The following HHAT variants were observed in gnomAD, a reference collection of about 807,000 sequenced individuals.
HHAT encodes the protein hedgehog acyltransferase.
A neutral mutation model predicts 70.8 loss-of-function variants in HHAT; 47 were observed. The observed-to-expected ratio is 0.66, with a 90% CI of 0.53 to 0.85. The LOEUF (loss-of-function observed/expected upper bound fraction) is 0.85. HHAT is among the 40% of genes least tolerant of loss of function. The pLI, the probability that HHAT is intolerant of heterozygous loss-of-function variation, is 0.00. For synonymous variants in HHAT, 228 were observed against 247.6 expected (o/e 0.92, Z 0.74); for missense variants, 609 against 604.8 (o/e 1.01, Z -0.07).
chr1:210,406,558 A>G (rs1294196634), intron 6 of HHAT, among the ~76,000 whole-genome samples: 2 of 151,878 alleles, frequency 1.3e-5, no homozygotes, highest in African/African-American at 4.8e-5. Context: ...AAGTCCAGCT[A>G]ATTTTTTGTA....
At chr1:210,602,643 G>T (rs1664539324) in intron 10 of HHAT, among the ~76,000 whole-genome samples, 1 of 152,180 alleles carries the variant, frequency 6.6e-6, no homozygotes, top group Admixed American at 6.5e-5. Flanking sequence ...CCAAACAGGA[G>T]AGCGTTAAAT....
intron 9 of HHAT, among the ~76,000 whole-genome samples, chr1:210,534,722 T>C (rs564468429): frequency 6.6e-6 from 1 of 152,212 alleles, no homozygotes; most frequent in Non-Finnish European, 1.5e-5. Flanking sequence ...GCCTGACACA[T>C]GAGACCACAT....
At chr1:210,388,304 G>A (rs947892670) in intron 4 of HHAT, among the ~76,000 whole-genome samples, 6 of 152,140 alleles carry the variant, frequency 3.9e-5, no homozygotes, top group Admixed American at 1.3e-4. Flanking sequence ...GTCAACCTAG[G>A]AAAAATGTTT....
At chr1:210,466,241 T>C (rs1023803673) in intron 8 of HHAT, among the ~76,000 whole-genome samples, 7 of 152,202 alleles carry the variant, frequency 4.6e-5, no homozygotes, top group Admixed American at 2.6e-4. Context: ...CTTCAAAAGG[T>C]GGGGTTTCTT....
chr1:210,671,906 G>A (rs1680170791), intron 11 of HHAT, among the ~76,000 whole-genome samples: 1 of 152,214 alleles, frequency 6.6e-6, no homozygotes, highest in East Asian at 1.9e-4. Context: ...GGGCCTGGGA[G>A]AACACTGTGG....
intron 4 of HHAT, among the ~76,000 whole-genome samples, chr1:210,397,944 G>A (rs1439701278): frequency 6.6e-6 from 1 of 152,186 alleles, no homozygotes; most frequent in Non-Finnish European, 1.5e-5. Context: ...GATGCCAGTT[G>A]GATTGCAAGA....
At chr1:210,634,214 G>A (rs1409537715) in intron 11 of HHAT, among the ~76,000 whole-genome samples, 15 of 152,190 alleles carry the variant, frequency 9.9e-5, no homozygotes, top group Non-Finnish European at 2.2e-4. Flanking sequence ...GCTAAGCCAC[G>A]GGATAGAACA....
intron 9 of HHAT, among the ~76,000 whole-genome samples, chr1:210,524,011 T>A (rs2095204820): frequency 6.6e-6 from 1 of 152,168 alleles, no homozygotes; most frequent in Admixed American, 6.5e-5. Flanking sequence ...GAACGAGAAC[T>A]GCATGAATCC....
At chr1:210,487,851 T>G (rs1049826608) in intron 8 of HHAT, among the ~76,000 whole-genome samples, 2 of 152,208 alleles carry the variant, frequency 1.3e-5, no homozygotes, top group South Asian at 2.1e-4. Flanking sequence ...AGACAGCTTT[T>G]ATCACCTAAG....
At chr1:210,517,275 T>C (rs984967611) in intron 9 of HHAT, among the ~76,000 whole-genome samples, 3 of 152,224 alleles carry the variant, frequency 2.0e-5, no homozygotes, top group Admixed American at 6.5e-5. Flanking sequence ...TGAGGCATTT[T>C]TCTTTTATTT....
intron 7 of HHAT, among the ~76,000 whole-genome samples, chr1:210,459,490 C>T (rs541153391): frequency 1.6e-3 from 242 of 152,198 alleles, no homozygotes; most frequent in Non-Finnish European, 3.0e-3. Flanking sequence ...CACATGTGTA[C>T]AACTGTGGTC....
At chr1:210,584,234 C>T (rs967837926) in intron 9 of HHAT, among the ~76,000 whole-genome samples, 2 of 151,780 alleles carry the variant, frequency 1.3e-5, no homozygotes, top group African/African-American at 4.8e-5. Context: ...GAGCCACTGT[C>T]CCCAGCTGCA....
chr1:210,612,725 G>A (rs575404189), intron 10 of HHAT, among the ~76,000 whole-genome samples: 4 of 152,074 alleles, frequency 2.6e-5, no homozygotes, highest in South Asian at 2.1e-4. Context: ...CCTATATACC[G>A]TTTTCCACAG....
At chr1:210,333,646 C>T (rs115350119) in intron 1 of HHAT, among the ~76,000 whole-genome samples, 160 of 151,468 alleles carry the variant, frequency 1.1e-3, no homozygotes, top group African/African-American at 3.7e-3. Flanking sequence ...GTCAGAGCTG[C>T]TTTTACTACT....
chr1:210,613,227 T>C (rs1485230504), intron 10 of HHAT, among the ~76,000 whole-genome samples: 1 of 152,078 alleles, frequency 6.6e-6, no homozygotes, highest in Admixed American at 6.6e-5. Context: ...CTTTTAAGAG[T>C]TTTATAGTTT....
chr1:210,546,095 C>T (rs2095481057), intron 9 of HHAT, among the ~76,000 whole-genome samples: 1 of 152,198 alleles, frequency 6.6e-6, no homozygotes, highest in African/African-American at 2.4e-5. Flanking sequence ...TGACACTATG[C>T]TGTTTCTCAC....
At chr1:210,416,532 A>G (rs1005941396) in intron 6 of HHAT, among the ~76,000 whole-genome samples, 5 of 152,202 alleles carry the variant, frequency 3.3e-5, no homozygotes, top group Non-Finnish European at 7.3e-5. Flanking sequence ...ATTTTCCAGC[A>G]TGTTTATGAA....
At chr1:210,498,795 G>A (rs562046485) in intron 8 of HHAT, among the ~76,000 whole-genome samples, 43 of 145,934 alleles carry the variant, frequency 2.9e-4, no homozygotes, top group Admixed American at 5.6e-4. Context: ...TTTTTGAGAC[G>A]GAGTCTCGCT....
chr1:210,512,688 A>C (rs1056706833), intron 8 of HHAT, among the ~76,000 whole-genome samples: 1 of 150,054 alleles, frequency 6.7e-6, no homozygotes, highest in Non-Finnish European at 1.5e-5. Flanking sequence ...AAAAAAAAAA[A>C]AACCCATATA....
Sources: gnomAD v4.1 joint callset for allele counts (sites outside exome capture counted in the v4.1 genomes callset) on GRCh38, gnomAD v4.1.1 for gene constraint, MANE v1.5 for transcripts, NCBI Gene and HGNC (gene_info 2026-07-23, HGNC 2026-07-21) for gene names.